The following KPNA1 variants were observed in gnomAD, a reference collection of about 807,000 sequenced individuals.
The protein encoded by KPNA1 is karyopherin subunit alpha 1, also known as importin subunit alpha-5.
Under a neutral mutation model 70.5 loss-of-function variants are expected in KPNA1, and 10 were observed. That is an observed-to-expected ratio of 0.14 (90% CI 0.09 to 0.24). KPNA1 has a LOEUF of 0.24. Among genes scored for constraint, KPNA1 ranks in the 10% least tolerant of loss-of-function variants. The pLI is 1.00. For synonymous variants in KPNA1, 192 were observed against 221.9 expected, an observed-to-expected ratio of 0.87 and a Z score of 1.20; for missense variants, 397 against 637.9, an observed-to-expected ratio of 0.62 and a Z score of 4.07.
intron 9 of KPNA1, among the ~76,000 whole-genome samples, chr3:122,447,964 C>T (rs1391910076): frequency 6.6e-6 from 1 of 152,058 alleles, no homozygotes; most frequent in African/African-American, 2.4e-5. Flanking sequence ...TATGAACAGA[C>T]ACTTCTCAAA....
intron 3 of KPNA1, among the ~76,000 whole-genome samples, chr3:122,466,760 C>G (rs2076384687): frequency 6.6e-6 from 1 of 152,036 alleles, no homozygotes; most frequent in Non-Finnish European, 1.5e-5. Flanking sequence ...GTAATTCTAG[C>G]ACTTTGGGAG....
chr3:122,505,721 C>T (rs898302719), intron 1 of KPNA1, among the ~76,000 whole-genome samples: 31 of 152,192 alleles, frequency 2.0e-4, no homozygotes, highest in African/African-American at 6.5e-4. Context: ...GACAGATCCC[C>T]TCACTTTCTC....
intron 10 of KPNA1, among the ~76,000 whole-genome samples, chr3:122,439,471 T>G (rs1043247940): frequency 2.0e-5 from 3 of 151,812 alleles, no homozygotes; most frequent in African/African-American, 7.2e-5. Flanking sequence ...AATACAAGCA[T>G]GAGCCAGCAT....
chr3:122,476,880 A>AAAAAAAAAAAAAAAAAAAAAAAAAAAG (rs2076505767), intron 2 of KPNA1, among the ~76,000 whole-genome samples: 1 of 150,474 alleles, frequency 6.6e-6, no homozygotes, highest in Non-Finnish European at 1.5e-5. Context: ...AAAAAAAAAA[A>AAAAAAAAAAAAAAAAAAAAAAAAAAAG]AAAACTAAAA....
intron 10 of KPNA1, among the ~76,000 whole-genome samples, chr3:122,441,155 G>A (rs976732036): frequency 2.0e-5 from 3 of 152,178 alleles, no homozygotes; most frequent in Non-Finnish European, 4.4e-5. Context: ...TCCACAAAAG[G>A]AGACAAGAGG....
At chr3:122,471,609 A>G (rs2076443004) in intron 2 of KPNA1, among the ~76,000 whole-genome samples, 1 of 152,168 alleles carries the variant, frequency 6.6e-6, no homozygotes, top group South Asian at 2.1e-4. Context: ...TGGGAGGCCA[A>G]GGCAGGCAGA....
At chr3:122,449,482 T>C (rs759531208) in intron 9 of KPNA1, 92 bp downstream of exon 9, 18 of 1,002,932 alleles carry the variant, frequency 1.8e-5, no homozygotes, top group Non-Finnish European at 2.5e-5. Flanking sequence ...AAATCAATTA[T>C]CATGTACAAT....
chr3:122,471,939 T>C (rs7642869), intron 2 of KPNA1, among the ~76,000 whole-genome samples: 21,166 of 152,188 alleles, frequency 0.14, 1,580 homozygotes, highest in East Asian at 0.32. Flanking sequence ...CAACAAAGTG[T>C]CTGTGTAGGC....
intron 2 of KPNA1, among the ~76,000 whole-genome samples, chr3:122,486,728 C>T (rs1337626366): frequency 6.6e-6 from 1 of 152,146 alleles, no homozygotes; most frequent in Non-Finnish European, 1.5e-5. Context: ...GCTGGGACTA[C>T]AGGCACCGCC....
At position 122,478,726 on chromosome 3, in the gene KPNA1, T is replaced by TA. The variant is rs772969909; in HGVS notation, c.130-11298dup. On this transcript the variant is annotated intron_variant, in intron 2 of 13. Transcript: ENST00000344337. Reference sequence around the variant, plus strand: ...CTCGGCTACACAGCGAGGCTTCATCTAAAAAAAAAAAAAAAAAAATTAGCC... The same window carrying TA: ...CTCGGCTACACAGCGAGGCTTCATCTAAAAAAAAAAAAAAAAAAAATTAGCC... Among the ~76,000 whole-genome samples the TA allele has an allele frequency of 4.3e-3, 485 of 113,698 alleles. 3 individuals carry two copies. The highest frequency in any genetic ancestry group is 6.5e-3 in the African/African-American group (197 of 30,318). 74.6% of individuals were successfully genotyped at this position (113,698 alleles called of 152,430 possible).
At chr3:122,457,657 G>C in intron 5 of KPNA1, 1 of 1,216,970 alleles carries the variant, frequency 8.2e-7, no homozygotes, top group Non-Finnish European at 1.1e-6. Context: ...CCCTTTCTTA[G>C]TCTCTACCTT....
intron 5 of KPNA1, 118 bp from the exon 6 acceptor site, chr3:122,454,119 CTA>C: frequency 1.5e-6 from 1 of 648,352 alleles, no homozygotes; most frequent in Non-Finnish European, 2.5e-6. Context: ...TGCACATAAC[CTA>C]TCAGTTGAGT....
chr3:122,442,391 C>T (rs970377970), intron 9 of KPNA1, among the ~76,000 whole-genome samples: 1 of 152,176 alleles, frequency 6.6e-6, no homozygotes, highest in Non-Finnish European at 1.5e-5. Flanking sequence ...ACTTTTCCCT[C>T]TCATTCTTTA....
At chr3:122,499,645 G>A (rs1022000551) in intron 1 of KPNA1, among the ~76,000 whole-genome samples, 1 of 151,914 alleles carries the variant, frequency 6.6e-6, no homozygotes, top group Non-Finnish European at 1.5e-5. Flanking sequence ...TGTAGTTCCA[G>A]GTACTCAGGA....
At chr3:122,437,458 G>C (rs1272392203) in intron 10 of KPNA1, among the ~76,000 whole-genome samples, 163 bp from the exon 11 acceptor site, 2 of 152,158 alleles carry the variant, frequency 1.3e-5, no homozygotes, top group Non-Finnish European at 2.9e-5. Flanking sequence ...ATAAGAATTA[G>C]TTTCTAAGAG....
chr3:122,437,426 TA>T lies in KPNA1; in HGVS notation c.997-132del, dbSNP rs35524149. The T allele has an allele frequency of 3.8e-3, 2,261 of 599,382 alleles. 37 individuals carry two copies. The highest frequency in any genetic ancestry group is 0.037 in the African/African-American group (1,985 of 53,358). 37.1% of individuals were successfully genotyped at this position (599,382 alleles called of 1,614,324 possible). A position where few individuals can be genotyped will look rare whatever the true frequency, so the allele number is the denominator to read the frequency against. ...TTATAAATAAGTAACTTTATACAGG[TA>T]AAAAAAAGTATTCACTGTTAATAAG... On this transcript the variant is annotated intron_variant, in intron 10 of 13. Transcript: ENST00000344337.
At chr3:122,476,102 T>C (rs913354052) in intron 2 of KPNA1, among the ~76,000 whole-genome samples, 1 of 152,066 alleles carries the variant, frequency 6.6e-6, no homozygotes, top group African/African-American at 2.4e-5. Flanking sequence ...CATAAAGCAA[T>C]GGAATAGAAT....
intron 2 of KPNA1, among the ~76,000 whole-genome samples, chr3:122,490,161 T>A (rs1262196194): frequency 1.3e-5 from 2 of 152,258 alleles, no homozygotes; most frequent in African/African-American, 4.8e-5. Context: ...TTTGAAGATT[T>A]TCAGGCTTCA....
intron 2 of KPNA1, among the ~76,000 whole-genome samples, chr3:122,490,373 C>T (rs2076684459): frequency 6.6e-6 from 1 of 152,222 alleles, no homozygotes; most frequent in Non-Finnish European, 1.5e-5. Flanking sequence ...CACTATCTTC[C>T]ACTGCCTAAT....
Sources: allele counts gnomAD v4.1 joint callset (sites outside exome capture counted in the v4.1 genomes callset), GRCh38; gene constraint gnomAD v4.1.1; transcripts MANE v1.5; gene names NCBI Gene and HGNC (gene_info 2026-07-23, HGNC 2026-07-21).